The following DVL3 variants were observed in gnomAD, a reference collection of about 807,000 sequenced individuals.
DVL3 encodes the protein dishevelled segment polarity protein 3, also known as segment polarity protein dishevelled homolog DVL-3.
In DVL3, 27 loss-of-function variants were observed where a neutral mutation model predicts 67.4. That is an observed-to-expected ratio of 0.40 (90% CI 0.30 to 0.55). The LOEUF is 0.55. Ranked by LOEUF, DVL3 falls within the 20% of genes least tolerant of loss-of-function variation. DVL3 has a pLI of 0.46. For synonymous variants in DVL3, 369 were observed against 396.8 expected, an observed-to-expected ratio of 0.93 and a Z score of 0.83; for missense variants, 819 against 1,021.5, an observed-to-expected ratio of 0.80 and a Z score of 2.70.
chr3:184,163,240 A>G lies in DVL3; in HGVS notation c.162-417A>G, dbSNP rs1714446268. Among the ~76,000 whole-genome samples, 1 of 152,106 alleles carries G rather than the reference A, an allele frequency of 6.6e-6. No individual in the cohort carries two copies. The highest frequency in any genetic ancestry group is 2.1e-4 in the South Asian group (1 of 4,828). On this transcript the variant is annotated intron_variant, in intron 1 of 14. Transcript: ENST00000313143. This position sits in a 1 kb window ranked among gnomAD's most constrained non-coding sequence, Gnocchi z 4.5. The stretch of plus-strand genomic sequence containing the variant: ...ATTCTTTGTCCATACCTCCCACAAC[A>G]ATGTTAGGATTCCCACTTAAGAAAG...
rs3749231 is a variant in DVL3 at position 184,171,549 on chromosome 3, A to G, written c.*794A>G. On this transcript the variant is annotated 3_prime_UTR_variant, in exon 15 of 15. Transcript: ENST00000313143. Reference sequence around the variant, plus strand: ...TCTTTCTTTTTTCCTCCCCCAATTTACCCTGGGCCTGGAGCAGCCAAGAAT... The same window carrying G: ...TCTTTCTTTTTTCCTCCCCCAATTTGCCCTGGGCCTGGAGCAGCCAAGAAT... 1.0e-6 allele frequency: 1 copy of G among 985,538 alleles called. No homozygotes were observed. Among genetic ancestry groups the G allele is most frequent in the Non-Finnish European group, 1.2e-6 (1 of 829,934 alleles). 61.0% of individuals were successfully genotyped at this position (985,538 alleles called of 1,614,324 possible).
chr3:184,168,664 G>T (rs1317745698), intron 13 of DVL3, among the ~76,000 whole-genome samples: 1 of 152,210 alleles, frequency 6.6e-6, no homozygotes, highest in African/African-American at 2.4e-5. Flanking sequence ...GGAAGGCTGG[G>T]GCTGGCTCTT....
chr3:184,165,188 G>C lies in DVL3; in HGVS notation c.675G>C (p.Lys225Asn). ...ACAAGCGGCGGCGGCGGAAGCAGAA[G>C]GTTTCTCGGATTGAGCGGGTATGGG... Reference protein sequence around the residue: ...RRHKRRRRKQKVSRIERSSSF... With the variant: ...RRHKRRRRKQNVSRIERSSSF... Residue 225 changes from lysine (K) to asparagine (N), a missense_variant, in exon 6 of 15, where the codon AAG (lysine) becomes AAC (asparagine). Coordinates refer to ENST00000313143, the MANE Select transcript of DVL3 (RefSeq NM_004423.4). The surrounding 1 kb of genome is among the most constrained non-coding windows in gnomAD (Gnocchi z 4.1). The C allele has an allele frequency of 1.2e-6, 2 of 1,600,308 alleles. No homozygotes were observed. The highest frequency in any genetic ancestry group is 1.7e-6 in the Non-Finnish European group (2 of 1,173,128).
In DVL3 at chr3:184,155,497, A is replaced by C; in HGVS notation, c.-139A>C. 1 of 308,150 alleles carries C rather than the reference A, an allele frequency of 3.2e-6. No homozygotes were observed. Among genetic ancestry groups the C allele is most frequent in the Non-Finnish European group, 4.7e-6 (1 of 212,822 alleles). 19.1% of individuals were successfully genotyped at this position (308,150 alleles called of 1,614,324 possible). ...CGCTGGGACCCGGTAGCGGCCGGAGAACAAGGGAGCTGGCGCCGCCAGCAG... is the reference window on the plus strand; with the variant it reads ...CGCTGGGACCCGGTAGCGGCCGGAGCACAAGGGAGCTGGCGCCGCCAGCAG... On this transcript the variant is annotated 5_prime_UTR_variant, in exon 1 of 15. Coordinates refer to ENST00000313143, the MANE Select transcript of DVL3 (RefSeq NM_004423.4). The surrounding 1 kb of genome is among the most constrained non-coding windows in gnomAD (Gnocchi z 5.4).
chr3:184,168,607 C>T (rs1434944622), intron 13 of DVL3, among the ~76,000 whole-genome samples: 1 of 152,152 alleles, frequency 6.6e-6, no homozygotes, highest in Admixed American at 6.5e-5. Flanking sequence ...GGCTTGGCTG[C>T]AGGCTCCACA....
At chr3:184,162,268 C>T (rs1714407350) in intron 1 of DVL3, among the ~76,000 whole-genome samples, 2 of 150,868 alleles carry the variant, frequency 1.3e-5, no homozygotes, top group African/African-American at 2.4e-5. Flanking sequence ...GCCTTGAACT[C>T]CTAGGCTCAA....
chr3:184,160,026 G>T (rs144485143), intron 1 of DVL3, among the ~76,000 whole-genome samples: 1 of 151,624 alleles, frequency 6.6e-6, no homozygotes, highest in African/African-American at 2.4e-5. Context: ...TGCAAGCTCC[G>T]CCTCCTGGGT....
intron 1 of DVL3, among the ~76,000 whole-genome samples, chr3:184,161,053 G>A (rs1714363062): frequency 1.3e-5 from 2 of 152,226 alleles, no homozygotes; most frequent in Admixed American, 1.3e-4. Flanking sequence ...GGCTTGGCCT[G>A]TGAACTTGGC....
At chr3:184,160,716 G>T (rs902292203) in intron 1 of DVL3, among the ~76,000 whole-genome samples, 1 of 152,110 alleles carries the variant, frequency 6.6e-6, no homozygotes, top group African/African-American at 2.4e-5. Context: ...GTGTGGAGCA[G>T]TGTGGTGGGG....
intron 1 of DVL3, among the ~76,000 whole-genome samples, chr3:184,162,688 TA>T (rs1308797848): frequency 8.6e-5 from 13 of 151,458 alleles, no homozygotes; most frequent in African/African-American, 3.2e-4. Flanking sequence ...GCCTCCCAAG[TA>T]GCTGGGATCA....
In DVL3 at chr3:184,166,944, C is replaced by T. The variant is rs1255937118; in HGVS notation, c.1167C>T (p.Ser389=). 6 of 1,614,038 alleles carry T rather than the reference C, an allele frequency of 3.7e-6. No individual in the cohort carries two copies. The highest frequency in any genetic ancestry group is 1.3e-5 in the African/African-American group (1 of 74,910). ...TGAGCACCATCACCTCCACCAGCTCCTCCATCACCAGTTCCATCCCTGACA... is the reference window on the plus strand; with the variant it reads ...TGAGCACCATCACCTCCACCAGCTCTTCCATCACCAGTTCCATCCCTGACA... The part of the protein sequence containing the change: ...PSLSTITSTS[S]SITSSIPDTE... Residue 389 remains serine, a synonymous_variant, in exon 11 of 15, where the codon TCC becomes TCT. Coordinates refer to ENST00000313143, the MANE Select transcript of DVL3 (RefSeq NM_004423.4). The surrounding 1 kb of genome is among the most constrained non-coding windows in gnomAD (Gnocchi z 6.7).
Position 184,165,882 on chromosome 3 carries a change from TG to T in DVL3, c.764-242del, listed in dbSNP as rs1459055152. ...TTTGATTCCTGGCTCTGCCACTTAC[TG>T]GCTTAGAAAAGTCATCTTCTAAGTT... On this transcript the variant is annotated intron_variant, in intron 7 of 14. Transcript: ENST00000313143. The surrounding 1 kb of genome is among the most constrained non-coding windows in gnomAD (Gnocchi z 4.1). Among the ~76,000 whole-genome samples the T allele has an allele frequency of 6.6e-6, 1 of 152,238 alleles. No individual in the cohort carries two copies. Among genetic ancestry groups the T allele is most frequent in the East Asian group, 1.9e-4 (1 of 5,202 alleles).
intron 1 of DVL3, among the ~76,000 whole-genome samples, chr3:184,157,931 C>T (rs1714253263): frequency 6.6e-6 from 1 of 152,210 alleles, no homozygotes; most frequent in South Asian, 2.1e-4. Flanking sequence ...TAACACACGC[C>T]TTTTATGCTT....
chr3:184,169,859 T>C, intron 13 of DVL3, 147 bp from the exon 14 acceptor site: 1 of 654,890 alleles, frequency 1.5e-6, no homozygotes, highest in Non-Finnish European at 2.5e-6. Flanking sequence ...GCAAAGGGGG[T>C]CTGCAGAAGG....
intron 1 of DVL3, among the ~76,000 whole-genome samples, chr3:184,161,938 G>A (rs1029038420): frequency 6.6e-6 from 1 of 152,146 alleles, no homozygotes; most frequent in Non-Finnish European, 1.5e-5. Context: ...CTGATGTGAA[G>A]ATTATAGGTT....
Position 184,155,924 on chromosome 3 carries a change from G to T in DVL3, c.161+128G>T. 1 of 1,122,594 alleles carries T rather than the reference G, an allele frequency of 8.9e-7. No individual in the cohort carries two copies. Among genetic ancestry groups the T allele is most frequent in the Non-Finnish European group, 1.2e-6 (1 of 805,128 alleles). The allele number at this position is 1,122,594 out of a possible 1,614,324, so 69.5% of individuals were successfully genotyped here. A position where few individuals can be genotyped will look rare whatever the true frequency, so the allele number is the denominator to read the frequency against. ...CCGCTCTGACTTCTAGGGGCGACTC[G>T]GCCCATTTGGGCCCCTTTGGTTCCA... On this transcript the variant is annotated intron_variant, in intron 1 of 14. Coordinates refer to ENST00000313143, the MANE Select transcript of DVL3 (RefSeq NM_004423.4). This position sits in a 1 kb window ranked among gnomAD's most constrained non-coding sequence, Gnocchi z 5.4.
At position 184,164,544 on chromosome 3, in the gene DVL3, G is replaced by T. The variant is rs1714503497; in HGVS notation, c.406G>T (p.Asp136Tyr). The part of the protein sequence containing the change: ...QENLDNDTET[D>Y]SLVSAQRERP... The stretch of plus-strand genomic sequence containing the variant: ...GAACCTGGACAATGACACAGAGACG[G>T]ACTCTTTGGTGTCTGCCCAGCGAGA... Residue 136 changes from aspartate to tyrosine, a missense_variant, in exon 4 of 15, where the codon GAC becomes TAC. Transcript: ENST00000313143. This position sits in a 1 kb window ranked among gnomAD's most constrained non-coding sequence, Gnocchi z 5.3. 3.8e-6 allele frequency: 6 copies of T among 1,582,600 alleles called. No individual in the cohort carries two copies. The East Asian group carries it at 1.3e-4, about 35-fold the overall frequency.
chr3:184,155,529 A>T lies in DVL3; in HGVS notation c.-107A>T, dbSNP rs1577042292. On this transcript the variant is annotated 5_prime_UTR_variant, in exon 1 of 15. Coordinates refer to ENST00000313143, the MANE Select transcript of DVL3 (RefSeq NM_004423.4). The surrounding 1 kb of genome is among the most constrained non-coding windows in gnomAD (Gnocchi z 5.4). ...GAGCTGGCGCCGCCAGCAGCCGCCGAGCTGGGTTGAGCCGCTGGGCCGCGC... is the reference window on the plus strand; with the variant it reads ...GAGCTGGCGCCGCCAGCAGCCGCCGTGCTGGGTTGAGCCGCTGGGCCGCGC... 1 of 698,644 alleles carries T rather than the reference A, an allele frequency of 1.4e-6. No individual in the cohort carries two copies. The highest frequency in any genetic ancestry group is 1.4e-4 in the East Asian group (1 of 7,298). 43.3% of individuals were successfully genotyped at this position (698,644 alleles called of 1,614,324 possible). A position where few individuals can be genotyped will look rare whatever the true frequency, so the allele number is the denominator to read the frequency against.
rs1484339525 is a variant in DVL3 at position 184,170,627 on chromosome 3, G to T, written c.2023G>T (p.Ala675Ser). 2.1e-5 allele frequency: 33 copies of T among 1,607,484 alleles called. No individual in the cohort carries two copies. Among genetic ancestry groups the T allele is most frequent in the Non-Finnish European group, 2.7e-5 (32 of 1,177,168 alleles). Reference protein sequence around the residue: ...PMLMMPPPPAAMGPPGAPPGR... With the variant: ...PMLMMPPPPASMGPPGAPPGR... ...GCTGATGATGCCCCCGCCGCCCGCGGCCATGGGGCCCCCAGGAGCCCCTCC... is the reference window on the plus strand; with the variant it reads ...GCTGATGATGCCCCCGCCGCCCGCGTCCATGGGGCCCCCAGGAGCCCCTCC... The change falls in exon 15 of 15, where the codon GCC becomes TCC. Residue 675 changes from alanine (A) to serine (S), a missense_variant. Ala to Ser is a moderately conservative substitution (Grantham distance 99, BLOSUM62 1). This residue lies in a region of DVL3 where 324 missense variants were observed against 331.3 expected (regional missense o/e 0.98). Coordinates refer to ENST00000313143, the MANE Select transcript of DVL3 (RefSeq NM_004423.4). The surrounding 1 kb of genome is among the most constrained non-coding windows in gnomAD (Gnocchi z 6.5).
Sources: allele counts gnomAD v4.1 joint callset (sites outside exome capture counted in the v4.1 genomes callset), GRCh38; gene constraint gnomAD v4.1.1; regional missense constraint gnomAD v4.1.1; non-coding constraint Gnocchi (gnomAD v3.1); transcripts MANE v1.5; gene names NCBI Gene and HGNC (gene_info 2026-07-23, HGNC 2026-07-21).